ERAP2: variants seen among roughly 807,000 people sequenced by gnomAD.
ERAP2 encodes the protein leukocyte-derived arginine aminopeptidase.
ERAP2 carries 118 observed loss-of-function variants against 111.1 expected under a neutral mutation model. That is an observed-to-expected ratio of 1.06 (90% CI 0.92 to 1.24). The LOEUF (loss-of-function observed/expected upper bound fraction) is 1.24, where lower values mean the gene tolerates loss of function less well. Ranked by LOEUF, ERAP2 falls within the 50% of genes most tolerant of loss-of-function variation. The pLI is 0.00. For missense variants in ERAP2, 1,131 were observed against 1,125.8 expected (o/e 1.00, Z -0.07); for synonymous variants, 410 against 401.2 (o/e 1.02, Z -0.26).
chr5:96,908,736 G>A (rs1195217074), intron 13 of ERAP2, among the ~76,000 whole-genome samples: 1 of 152,140 alleles, frequency 6.6e-6, no homozygotes, highest in Non-Finnish European at 1.5e-5. Flanking sequence ...GAGGAAGATA[G>A]TATTATTATC....
intron 13 of ERAP2, 61 bp from the exon 14 acceptor site, chr5:96,908,900 G>T: frequency 2.0e-6 from 3 of 1,493,020 alleles, no homozygotes; most frequent in Middle Eastern, 1.8e-4. Flanking sequence ...TTGTTTTAAT[G>T]TTAAAAATAT....
Position 96,879,707 on chromosome 5 carries a change from G to C in ERAP2, c.22G>C (p.Val8Leu). The change falls in exon 2 of 19, where the codon GTT becomes CTT. Residue 8 changes from valine (V) to leucine (L), a missense_variant. This residue lies in a region of ERAP2 where 847 missense variants were observed against 856.5 expected (regional missense o/e 0.99). Transcript: ENST00000437043. MFHSSAM[V>L]NSHRKPMFNI... is the part of the protein sequence containing the mutation. Reference sequence around the variant, plus strand: ...TTTCATGTTCCATTCTTCTGCAATGGTTAATTCACACAGAAAACCAATGTT... The same window carrying C: ...TTTCATGTTCCATTCTTCTGCAATGCTTAATTCACACAGAAAACCAATGTT... 6.2e-7 allele frequency: 1 copy of C among 1,614,012 alleles called. No homozygotes were observed. Among genetic ancestry groups the C allele is most frequent in the Non-Finnish European group, 8.5e-7 (1 of 1,179,918 alleles).
chr5:96,917,441 T>A, intron 18 of ERAP2, 21 bp from the exon 19 acceptor site: 1 of 1,604,418 alleles, frequency 6.2e-7, no homozygotes, highest in Non-Finnish European at 8.5e-7. Context: ...GTTAGTAATT[T>A]TTTTCTTCAA....
At position 96,880,214 on chromosome 5, in the gene ERAP2, G is replaced by T. The variant is rs1782989237; in HGVS notation, c.529G>T (p.Glu177Ter). Residue 177 changes from glutamate to a stop codon, truncating the protein, a stop_gained, in exon 2 of 19, where the codon GAA (glutamate) becomes TAA (stop). Transcript: ENST00000437043. LOFTEE classifies it high-confidence loss of function. ...CCAAGCCAAGTTAGGTGATGGCTTT[G>T]AAGGGTTTTATAAAAGCACATACAG... ...DFQAKLGDGF[E>*]GFYKSTYRTL... 6.2e-7 allele frequency: 1 copy of T among 1,613,940 alleles called. No homozygotes were observed.
intron 1 of ERAP2, among the ~76,000 whole-genome samples, chr5:96,879,085 G>A (rs900713140): frequency 3.3e-5 from 5 of 152,090 alleles, no homozygotes; most frequent in Non-Finnish European, 5.9e-5. Context: ...CGAGTGTGGC[G>A]GTGTGTGTCT....
intron 10 of ERAP2, among the ~76,000 whole-genome samples, chr5:96,900,614 G>A (rs2113190): frequency 0.54 from 82,243 of 151,938 alleles, 22,328 homozygotes; most frequent in Admixed American, 0.59. Flanking sequence ...CACAGGGGAA[G>A]AAAGGAAAAC....
chr5:96,885,992 G>A (rs1005663594), intron 3 of ERAP2, among the ~76,000 whole-genome samples: 1 of 152,222 alleles, frequency 6.6e-6, no homozygotes, highest in African/African-American at 2.4e-5. Context: ...AATCAATGAA[G>A]CAAAGATAAA....
chr5:96,907,855 C>A (rs1046080190), intron 13 of ERAP2, among the ~76,000 whole-genome samples: 1 of 149,032 alleles, frequency 6.7e-6, no homozygotes, highest in Non-Finnish European at 1.5e-5. Context: ...TGTACTCCAG[C>A]CTGGGTGACA....
chr5:96,914,833 C>A (rs1411652149), intron 17 of ERAP2, among the ~76,000 whole-genome samples: 1 of 152,056 alleles, frequency 6.6e-6, no homozygotes, highest in Non-Finnish European at 1.5e-5. Context: ...AGGAAGTGTG[C>A]AAGAAGTGCA....
At position 96,917,541 on chromosome 5, in the gene ERAP2, A is replaced by G; in HGVS notation, c.2819A>G (p.Lys940Arg). Reference protein sequence around the residue: ...IFQTVLETITKNIKWLEKNLP... With the variant: ...IFQTVLETITRNIKWLEKNLP... ...CAAACTGTTCTGGAAACGATAACCA[A>G]AAATATAAAATGGCTGGAGAAGAAT... The change falls in exon 19 of 19, where the codon AAA becomes AGA. Residue 940 changes from lysine to arginine, a missense_variant. This residue lies in a region of ERAP2 where 279 missense variants were observed against 250.9 expected (regional missense o/e 1.11). Coordinates refer to ENST00000437043, the MANE Select transcript of ERAP2 (RefSeq NM_022350.5). 2 of 1,614,094 alleles carry G rather than the reference A, an allele frequency of 1.2e-6. No individual in the cohort carries two copies. Among genetic ancestry groups the G allele is most frequent in the Non-Finnish European group, 1.7e-6 (2 of 1,179,970 alleles).
rs981371252 is a variant in ERAP2 at position 96,893,302 on chromosome 5, T to C, written c.1125+849T>C. The stretch of plus-strand genomic sequence containing the variant: ...CACCAAGTGGGCAAATATCATTCTG[T>C]TGTAGAATCTGGTAAAATCTCTTAT... On this transcript the variant is annotated intron_variant, in intron 6 of 18. Transcript: ENST00000437043. Among the ~76,000 whole-genome samples, 3 of 152,208 alleles carry C rather than the reference T, an allele frequency of 2.0e-5. No homozygotes were observed. In the South Asian group the frequency reaches 6.2e-4, roughly 32 times the overall value.
intron 17 of ERAP2, among the ~76,000 whole-genome samples, chr5:96,914,600 T>A (rs1271866043): frequency 6.6e-6 from 1 of 152,256 alleles, no homozygotes; most frequent in African/African-American, 2.4e-5. Context: ...ATGATGCCCC[T>A]GCCCAACCAT....
chr5:96,885,532 A>C (rs1040444678), intron 3 of ERAP2, among the ~76,000 whole-genome samples: 1 of 152,258 alleles, frequency 6.6e-6, no homozygotes, highest in Non-Finnish European at 1.5e-5. Context: ...TGTAGAATTT[A>C]GTAGCAAAAA....
chr5:96,879,200 G>A lies in ERAP2; in HGVS notation c.-122-364G>A, dbSNP rs1183173301. On this transcript the variant is annotated intron_variant, in intron 1 of 18. Coordinates refer to ENST00000437043, the MANE Select transcript of ERAP2 (RefSeq NM_022350.5). ...TGATTGCACACTCTACTCCTGCCTGGGCAACAGAGCAAGACCCTGTCTAAA... is the reference window on the plus strand; with the variant it reads ...TGATTGCACACTCTACTCCTGCCTGAGCAACAGAGCAAGACCCTGTCTAAA... Among the ~76,000 whole-genome samples the A allele has an allele frequency of 2.6e-5, 4 of 152,056 alleles. No homozygotes were observed. The East Asian group carries it at 7.7e-4, about 29-fold the overall frequency.
At chr5:96,887,073 G>GTATA (rs35218383) in intron 4 of ERAP2, among the ~76,000 whole-genome samples, 7,480 of 86,236 alleles carry the variant, frequency 0.087, 250 homozygotes, top group Non-Finnish European at 0.1. Flanking sequence ...AATTTTCAAA[G>GTATA]TATATATATA....
Position 96,909,170 on chromosome 5 carries a change from T to C in ERAP2, c.2169+53T>C, listed in dbSNP as rs1272214937. On this transcript the variant is annotated intron_variant, in intron 14 of 18. Transcript: ENST00000437043. ...AAGTAAATACACAGTGTCTGGAGTA[T>C]CAGTCAGGCTCAGTTTGTTTTGTGT... The C allele has an allele frequency of 1.4e-5, 22 of 1,556,094 alleles. 1 individual carries two copies. Among genetic ancestry groups the C allele is most frequent in the Non-Finnish European group, 1.8e-5 (20 of 1,132,588 alleles).
At chr5:96,900,360 G>A in intron 10 of ERAP2, 171 bp downstream of exon 10, 2 of 1,013,080 alleles carry the variant, frequency 2.0e-6, no homozygotes, top group Non-Finnish European at 2.7e-6. Context: ...GGTATTTAGG[G>A]GGACAATGCT....
rs747111277 is a variant in ERAP2, at chr5:96,909,063, G to A, written c.2115G>A (p.Ser705=). 1.6e-5 allele frequency: 26 copies of A among 1,614,114 alleles called. No homozygotes were observed. The highest frequency in any genetic ancestry group is 8.8e-5 in the South Asian group (8 of 91,082). Residue 705 remains serine, a synonymous_variant, in exon 14 of 19, where the codon TCG becomes TCA. Coordinates refer to ENST00000437043, the MANE Select transcript of ERAP2 (RefSeq NM_022350.5). ...TCGAAGGTCTGAGTTACTTGGAATC[G>A]TTTTACCACATGATGGACAGAAGGA... The part of the protein sequence containing the change: ...ALLEGLSYLE[S]FYHMMDRRNI...
At chr5:96,882,275 A>G (rs1227757939) in intron 2 of ERAP2, among the ~76,000 whole-genome samples, 3 of 152,232 alleles carry the variant, frequency 2.0e-5, no homozygotes, top group African/African-American at 7.2e-5. Context: ...TCCAAAGGAC[A>G]TATATCTTAG....
Sources: gnomAD v4.1 joint callset for allele counts (sites outside exome capture counted in the v4.1 genomes callset) on GRCh38, gnomAD v4.1.1 for gene constraint, gnomAD v4.1.1 regional missense constraint, MANE v1.5 for transcripts, NCBI Gene and HGNC (gene_info 2026-07-23, HGNC 2026-07-21) for gene names.